The following RABGAP1L variants were observed in gnomAD, a reference collection of about 807,000 sequenced individuals.
RABGAP1L encodes rab GTPase-activating protein 1-like.
RABGAP1L carries 63 observed loss-of-function variants against 137.7 expected under a neutral mutation model. The observed-to-expected ratio is 0.46, with a 90% CI of 0.37 to 0.56. The LOEUF (loss-of-function observed/expected upper bound fraction) is 0.56. RABGAP1L is among the 20% of genes least tolerant of loss of function. RABGAP1L has a pLI of 0.00. For synonymous variants in RABGAP1L, 431 were observed against 433.7 expected (o/e 0.99, Z 0.08); for missense variants, 1,095 against 1,244.0 (o/e 0.88, Z 1.80).
At chr1:174,680,179 C>G (rs1677947041) in intron 14 of RABGAP1L, among the ~76,000 whole-genome samples, 1 of 152,176 alleles carries the variant, frequency 6.6e-6, no homozygotes, top group Non-Finnish European at 1.5e-5. Flanking sequence ...TGACAGTGGA[C>G]TTGGCAATGG....
chr1:174,681,491 A>G (rs1025685673), intron 14 of RABGAP1L, among the ~76,000 whole-genome samples: 3 of 152,254 alleles, frequency 2.0e-5, no homozygotes, highest in Non-Finnish European at 2.9e-5. Context: ...GATTCCATCT[A>G]TATGAAATTT....
In RABGAP1L at chr1:174,884,360, A is replaced by G. The variant is rs76257556; in HGVS notation, c.2340+72400A>G. ...AAAAAACAAAATTCAGAGCAATTCC[A>G]TATGTCAGAGATGGAGAAAACAATA... On this transcript the variant is annotated intron_variant, in intron 19 of 25. Transcript: ENST00000681986. 1.4e-4 allele frequency among the ~76,000 whole-genome samples: 21 copies of G among 152,348 alleles called. No homozygotes were observed. The East Asian group carries it at 2.3e-3, about 17-fold the overall frequency.
chr1:174,455,388 A>G (rs1016246922), intron 13 of RABGAP1L, among the ~76,000 whole-genome samples: 1 of 152,168 alleles, frequency 6.6e-6, no homozygotes, highest in Admixed American at 6.5e-5. Flanking sequence ...TGCCAGTTAA[A>G]AATGGCAAAA....
Position 174,995,015 on chromosome 1 carries a change from G to A in RABGAP1L, c.*5014G>A, listed in dbSNP as rs1252981125. 3 of 152,104 alleles carry A rather than the reference G, an allele frequency of 2.0e-5. No homozygotes were observed. Among genetic ancestry groups the A allele is most frequent in the Admixed American group, 6.5e-5 (1 of 15,276 alleles). 9.4% of individuals were successfully genotyped at this position (152,104 alleles called of 1,614,324 possible). A position where few individuals can be genotyped will look rare whatever the true frequency, so the allele number is the denominator to read the frequency against. Reference sequence around the variant, plus strand: ...CTCTATAAACAATGACCAATTAGACGTTTCCGTAATTCCATGTATTATGTA... The same window carrying A: ...CTCTATAAACAATGACCAATTAGACATTTCCGTAATTCCATGTATTATGTA... On this transcript the variant is annotated 3_prime_UTR_variant, in exon 26 of 26. Transcript: ENST00000681986.
intron 14 of RABGAP1L, among the ~76,000 whole-genome samples, chr1:174,651,725 G>A (rs1243034426): frequency 6.6e-6 from 1 of 152,144 alleles, no homozygotes; most frequent in African/African-American, 2.4e-5. Context: ...GAGCCTATGT[G>A]TGTCTCTGCA....
chr1:174,942,504 A>G (rs761528716), intron 19 of RABGAP1L, among the ~76,000 whole-genome samples: 1 of 152,248 alleles, frequency 6.6e-6, no homozygotes, highest in Non-Finnish European at 1.5e-5. Flanking sequence ...TATTAAACCC[A>G]GACTGCCTGG....
chr1:174,808,056 C>T lies in RABGAP1L; in HGVS notation c.2212-3776C>T, dbSNP rs1471971519. Reference sequence around the variant, plus strand: ...TGCAGTGCAGTGGCGCGATCTCGGCCCACTGCAAGCTCCGCCTCCTGGGTT... The same window carrying T: ...TGCAGTGCAGTGGCGCGATCTCGGCTCACTGCAAGCTCCGCCTCCTGGGTT... On this transcript the variant is annotated intron_variant, in intron 18 of 25. Coordinates refer to ENST00000681986, the MANE Select transcript of RABGAP1L (RefSeq NM_001366446.1). Among the ~76,000 whole-genome samples, 5 of 151,190 alleles carry T rather than the reference C, an allele frequency of 3.3e-5. No homozygotes were observed. The South Asian group carries it at 8.4e-4, about 25-fold the overall frequency.
At chr1:174,968,666 T>C (rs771767644) in intron 20 of RABGAP1L, among the ~76,000 whole-genome samples, 1 of 152,124 alleles carries the variant, frequency 6.6e-6, no homozygotes, top group Non-Finnish European at 1.5e-5. Context: ...ACAAAAAAAC[T>C]AGATATCTTA....
chr1:174,666,906 T>C (rs1676825065), intron 14 of RABGAP1L, among the ~76,000 whole-genome samples: 1 of 151,542 alleles, frequency 6.6e-6, no homozygotes, highest in African/African-American at 2.4e-5. Context: ...GTATTTCAGG[T>C]TAACCAAGAA....
At chr1:174,725,186 A>G (rs1419326911) in intron 17 of RABGAP1L, among the ~76,000 whole-genome samples, 2 of 152,218 alleles carry the variant, frequency 1.3e-5, no homozygotes, top group Admixed American at 6.5e-5. Flanking sequence ...GACCAGGGAA[A>G]CCAGTTAGGA....
intron 13 of RABGAP1L, among the ~76,000 whole-genome samples, chr1:174,560,061 G>A (rs1175153576): frequency 6.6e-6 from 1 of 151,980 alleles, no homozygotes; most frequent in Non-Finnish European, 1.5e-5. Flanking sequence ...TTCAGCCCGG[G>A]AGGCAGAGGT....
intron 19 of RABGAP1L, among the ~76,000 whole-genome samples, chr1:174,954,537 T>C (rs1433681605): frequency 6.6e-6 from 1 of 152,114 alleles, no homozygotes; most frequent in African/African-American, 2.4e-5. Context: ...AAAAAAAAAT[T>C]GATAATAGTT....
chr1:174,748,826 G>A (rs1289679801), intron 17 of RABGAP1L, among the ~76,000 whole-genome samples: 1 of 151,964 alleles, frequency 6.6e-6, no homozygotes, highest in African/African-American at 2.4e-5. Flanking sequence ...AGTGAGCTCT[G>A]ATGGTGCCAC....
At chr1:174,426,381 A>C (rs1651958740) in intron 13 of RABGAP1L, among the ~76,000 whole-genome samples, 1 of 152,142 alleles carries the variant, frequency 6.6e-6, no homozygotes, top group East Asian at 1.9e-4. Context: ...TATTAAGGCT[A>C]TCAAGTCAAC....
At chr1:174,510,514 A>G (rs1474260164) in intron 13 of RABGAP1L, among the ~76,000 whole-genome samples, 1 of 152,148 alleles carries the variant, frequency 6.6e-6, no homozygotes, top group Non-Finnish European at 1.5e-5. Context: ...TTCTTTGTTT[A>G]TGCTAACTTA....
At chr1:174,688,090 A>G (rs1678611685) in intron 15 of RABGAP1L, among the ~76,000 whole-genome samples, 1 of 152,198 alleles carries the variant, frequency 6.6e-6, no homozygotes, top group Non-Finnish European at 1.5e-5. Context: ...GTTATAGTAC[A>G]GATTGCCTGC....
chr1:174,615,348 C>G (rs1168912649), intron 13 of RABGAP1L, among the ~76,000 whole-genome samples: 3 of 152,154 alleles, frequency 2.0e-5, no homozygotes, highest in Non-Finnish European at 2.9e-5. Flanking sequence ...CACTCCAGAC[C>G]CTATTTGCCT....
chr1:174,457,123 G>A (rs1326183479), intron 13 of RABGAP1L, among the ~76,000 whole-genome samples: 5 of 152,144 alleles, frequency 3.3e-5, no homozygotes, highest in African/African-American at 7.2e-5. Context: ...ACATTGTAGC[G>A]TTAGAGGGAT....
At chr1:174,455,531 G>T (rs1257576257) in intron 13 of RABGAP1L, among the ~76,000 whole-genome samples, 1 of 151,926 alleles carries the variant, frequency 6.6e-6, no homozygotes, top group Admixed American at 6.5e-5. Flanking sequence ...CAGTAATTTT[G>T]TCTGAGATTA....
Sources: allele counts gnomAD v4.1 joint callset (sites outside exome capture counted in the v4.1 genomes callset), GRCh38; gene constraint gnomAD v4.1.1; transcripts MANE v1.5; gene names NCBI Gene and HGNC (gene_info 2026-07-23, HGNC 2026-07-21).